The following ANKS1A variants were observed in gnomAD, a reference collection of about 807,000 sequenced individuals.
The protein encoded by ANKS1A is ankyrin repeat and sterile alpha motif domain containing 1A.
Under a neutral mutation model 120.3 loss-of-function variants are expected in ANKS1A, and 55 were observed. The ratio of observed to expected loss-of-function variants is 0.46; its 90% confidence interval spans 0.37 to 0.57. The LOEUF (loss-of-function observed/expected upper bound fraction) is 0.57. ANKS1A is among the 20% of genes least tolerant of loss of function. The pLI, the probability that ANKS1A is intolerant of heterozygous loss-of-function variation, is 0.00. For missense variants in ANKS1A, 1,123 were observed against 1,480.3 expected (o/e 0.76, Z 3.96); for synonymous variants, 590 against 604.7 (o/e 0.98, Z 0.36).
chr6:34,916,503 A>T (rs931612249), intron 1 of ANKS1A, among the ~76,000 whole-genome samples: 7 of 152,230 alleles, frequency 4.6e-5, no homozygotes, highest in African/African-American at 1.4e-4. Context: ...TGCTCTCTAT[A>T]AAGCCTCTAT....
At chr6:34,929,034 T>C (rs575380085) in intron 1 of ANKS1A, among the ~76,000 whole-genome samples, 1 of 152,114 alleles carries the variant, frequency 6.6e-6, no homozygotes, top group Admixed American at 6.5e-5. Flanking sequence ...TTACTAAAGA[T>C]ATTATGGAAA....
intron 1 of ANKS1A, among the ~76,000 whole-genome samples, chr6:34,919,648 G>C (rs1768337127): frequency 6.6e-6 from 1 of 152,140 alleles, no homozygotes; most frequent in Non-Finnish European, 1.5e-5. Context: ...TCCCAGCTCT[G>C]CTACTTGCTA....
intron 1 of ANKS1A, among the ~76,000 whole-genome samples, chr6:34,955,299 G>A (rs533487256): frequency 6.6e-6 from 1 of 151,982 alleles, no homozygotes; most frequent in Non-Finnish European, 1.5e-5. Flanking sequence ...ACCACACCCA[G>A]CTAATTTTTG....
chr6:35,053,669 T>A (rs923503086), intron 11 of ANKS1A, among the ~76,000 whole-genome samples: 1 of 152,222 alleles, frequency 6.6e-6, no homozygotes, highest in African/African-American at 2.4e-5. Flanking sequence ...CCCTAGGCAC[T>A]CAGGGTAGCA....
chr6:35,012,220 G>T (rs182024149), intron 10 of ANKS1A, among the ~76,000 whole-genome samples: 118 of 152,264 alleles, frequency 7.7e-4, no homozygotes, highest in African/African-American at 2.7e-3. Context: ...TCACGGGGCT[G>T]GAACTAAAAC....
At chr6:35,002,989 G>A (rs1385169290) in intron 10 of ANKS1A, among the ~76,000 whole-genome samples, 1 of 147,218 alleles carries the variant, frequency 6.8e-6, no homozygotes, top group Non-Finnish European at 1.5e-5. Context: ...GGCTATACTA[G>A]ATATGTGGAC....
intron 1 of ANKS1A, among the ~76,000 whole-genome samples, chr6:34,891,294 G>A (rs1468719412): frequency 1.3e-5 from 2 of 152,330 alleles, no homozygotes; most frequent in African/African-American, 2.4e-5. Context: ...GCACCCTTGA[G>A]AGGTTGGGCA....
At chr6:35,088,096 C>T (rs983277404) in intron 23 of ANKS1A, among the ~76,000 whole-genome samples, 7 of 152,248 alleles carry the variant, frequency 4.6e-5, no homozygotes, top group South Asian at 2.1e-4. Flanking sequence ...ACACTCTCCA[C>T]GGTGGGGGAT....
At chr6:34,931,552 C>CT (rs1022941311) in intron 1 of ANKS1A, among the ~76,000 whole-genome samples, 21 of 152,252 alleles carry the variant, frequency 1.4e-4, no homozygotes, top group Non-Finnish European at 2.4e-4. Context: ...TCCCCTTCTG[C>CT]TTTTTTTACT....
intron 10 of ANKS1A, among the ~76,000 whole-genome samples, chr6:35,003,116 C>G (rs1773255999): frequency 6.6e-6 from 1 of 151,944 alleles, no homozygotes; most frequent in African/African-American, 2.4e-5. Flanking sequence ...GCTTCCCTGT[C>G]TATGCTTCCC....
Position 35,017,511 on chromosome 6 carries a change from G to T in ANKS1A, c.1462G>T (p.Ala488Ser). 6.2e-7 allele frequency: 1 copy of T among 1,613,732 alleles called. No individual in the cohort carries two copies. Among genetic ancestry groups the T allele is most frequent in the Non-Finnish European group, 8.5e-7 (1 of 1,179,824 alleles). The change falls in exon 11 of 24, where the codon GCG (alanine) becomes TCG (serine). Residue 488 changes from alanine to serine, a missense_variant. Ala to Ser is a moderately conservative substitution (Grantham distance 99, BLOSUM62 1). Transcript: ENST00000360359. ...CAGCAGCAGCCGGAGCCAGGACTCT[G>T]CGGAGGGGCAGGACGGGCAGGTCCC... ...RSSSSRSQDS[A>S]EGQDGQVPEQ...
chr6:35,049,065 GT>G (rs1252772466), intron 11 of ANKS1A, among the ~76,000 whole-genome samples: 2 of 152,224 alleles, frequency 1.3e-5, no homozygotes, highest in African/African-American at 4.8e-5. Flanking sequence ...GAAAAGTAGG[GT>G]AATAAGTTTG....
intron 9 of ANKS1A, among the ~76,000 whole-genome samples, chr6:34,993,174 C>G (rs926941362): frequency 3.3e-5 from 5 of 152,178 alleles, no homozygotes; most frequent in African/African-American, 1.2e-4. Flanking sequence ...TTAATACTAG[C>G]TTATTCTTAT....
In ANKS1A at chr6:35,044,826, T is replaced by C. The variant is rs908318172; in HGVS notation, c.2011-9273T>C. The stretch of plus-strand genomic sequence containing the variant: ...TTTGTTTATTTTGGAACCAGATAAA[T>C]GTGAATGGCAAGTACAAGCCCTGTC... On this transcript the variant is annotated intron_variant, in intron 11 of 23. Transcript: ENST00000360359. The surrounding 1 kb of genome is among the most constrained non-coding windows in gnomAD (Gnocchi z 4.4). Among the ~76,000 whole-genome samples the C allele has an allele frequency of 1.3e-5, 2 of 152,218 alleles. No individual in the cohort carries two copies. Among genetic ancestry groups the C allele is most frequent in the African/African-American group, 2.4e-5 (1 of 41,460 alleles).
At chr6:34,910,694 C>T (rs972632841) in intron 1 of ANKS1A, among the ~76,000 whole-genome samples, 2 of 152,010 alleles carry the variant, frequency 1.3e-5, no homozygotes, top group East Asian at 1.9e-4. Context: ...AACCTCGTCT[C>T]TACTAAAAAT....
chr6:35,053,213 C>T (rs1353926722), intron 11 of ANKS1A, among the ~76,000 whole-genome samples: 2 of 152,218 alleles, frequency 1.3e-5, no homozygotes, highest in Non-Finnish European at 2.9e-5. Context: ...TGAATGAGCT[C>T]ATTATCACTG....
At chr6:34,908,296 G>A (rs1456341741) in intron 1 of ANKS1A, among the ~76,000 whole-genome samples, 1 of 152,192 alleles carries the variant, frequency 6.6e-6, no homozygotes. Flanking sequence ...TGGTGTGGAG[G>A]AGGGCAGGGA....
chr6:35,051,750 T>C (rs565162250), intron 11 of ANKS1A, among the ~76,000 whole-genome samples: 3 of 152,360 alleles, frequency 2.0e-5, no homozygotes, highest in East Asian at 3.9e-4. Context: ...AGGGAGACTT[T>C]TCTCTGAATA....
intron 11 of ANKS1A, among the ~76,000 whole-genome samples, chr6:35,036,904 C>G (rs1488940413): frequency 6.6e-6 from 1 of 152,224 alleles, no homozygotes; most frequent in Non-Finnish European, 1.5e-5. Context: ...GGGGCTGGGC[C>G]CCGGTAATGT....
Sources: gnomAD v4.1 joint callset for allele counts (sites outside exome capture counted in the v4.1 genomes callset) on GRCh38, gnomAD v4.1.1 for gene constraint, Gnocchi (gnomAD v3.1) non-coding constraint, MANE v1.5 for transcripts, NCBI Gene and HGNC (gene_info 2026-07-23, HGNC 2026-07-21) for gene names.